ZSWIM3: variants seen among roughly 807,000 people sequenced by gnomAD.
ZSWIM3 encodes zinc finger SWIM-type containing 3.
In ZSWIM3, 27 loss-of-function variants were observed where a neutral mutation model predicts 47.5. The observed-to-expected ratio is 0.57, with a 90% CI of 0.42 to 0.78. The LOEUF (loss-of-function observed/expected upper bound fraction) is 0.78, where lower values mean the gene tolerates loss of function less well. Among genes scored for constraint, ZSWIM3 ranks in the 30% least tolerant of loss-of-function variants. The probability of loss-of-function intolerance (pLI) is 0.00; values close to 1 mark genes in which losing one functional copy is unlikely to be tolerated. For synonymous variants in ZSWIM3, 333 were observed against 333.9 expected, an observed-to-expected ratio of 1.00 and a Z score of 0.03; for missense variants, 689 against 861.3, an observed-to-expected ratio of 0.80 and a Z score of 2.50.
At chr20:45,872,677 AAAAACAAGGTGATG>A in intron 1 of ZSWIM3, 1 of 1,275,632 alleles carries the variant, frequency 7.8e-7, no homozygotes, top group Non-Finnish European at 1.0e-6. Flanking sequence ...CTAGGACACA[AAAAACAAGGTGATG>A]AAAACAAGGC....
At chr20:45,858,066 A>T (rs930712187) in intron 1 of ZSWIM3, 86 bp downstream of exon 1, 8 of 1,432,918 alleles carry the variant, frequency 5.6e-6, no homozygotes, top group Middle Eastern at 4.6e-4. Flanking sequence ...AGGGGTGCAT[A>T]GGCACGCATT....
rs536337722 is a variant in ZSWIM3, at chr20:45,862,140, G to GT, written c.155+4168dup. 2.8e-3 allele frequency among the ~76,000 whole-genome samples: 418 copies of GT among 149,082 alleles called. 3 individuals are homozygous for GT. The highest frequency in any genetic ancestry group is 0.022 in the South Asian group (101 of 4,634). On this transcript the variant is annotated intron_variant, in intron 1 of 1. Coordinates refer to ENST00000255152, the MANE Select transcript of ZSWIM3 (RefSeq NM_080752.4). ...GTCACCTCCACTGCATTAGCTTTTG[G>GT]TTTTTTTTGGTTTTTTTTTTTTTTG... is the stretch of plus-strand genomic sequence containing the variant.
At chr20:45,866,429 C>G (rs1007117406) in intron 1 of ZSWIM3, among the ~76,000 whole-genome samples, 3 of 152,050 alleles carry the variant, frequency 2.0e-5, no homozygotes, top group African/African-American at 7.2e-5. Flanking sequence ...TAAAAAAGAC[C>G]CCCCCTTGCC....
intron 1 of ZSWIM3, among the ~76,000 whole-genome samples, chr20:45,871,288 T>G (rs1333818100): frequency 6.6e-6 from 1 of 152,064 alleles, no homozygotes. Flanking sequence ...CTGGAGGGGG[T>G]CAACCAGTCT....
chr20:45,868,725 A>C (rs981200583), intron 1 of ZSWIM3, among the ~76,000 whole-genome samples: 4 of 152,084 alleles, frequency 2.6e-5, no homozygotes, highest in African/African-American at 9.7e-5. Context: ...TAGTTGCTTT[A>C]AGTCATTCTT....
chr20:45,872,588 A>T, intron 1 of ZSWIM3: 1 of 668,966 alleles, frequency 1.5e-6, no homozygotes, highest in Non-Finnish European at 2.2e-6. Flanking sequence ...TAGGAAGGGC[A>T]TTCCAGACAA....
Position 45,877,014 on chromosome 20 carries a change from A to T in ZSWIM3, c.456A>T (p.Leu152=), listed in dbSNP as rs1384941747. The change falls in exon 2 of 2, where the codon CTA becomes CTT. Residue 152 remains leucine (L), a synonymous_variant. Transcript: ENST00000255152. The stretch of plus-strand genomic sequence containing the variant: ...CCCTGGTTGAGCCATCGTTTTGCCT[A>T]GATAAGGTACAAGTGTCCTCAAAGC... ...EKSLVEPSFC[L]DKVQVSSKPE... The T allele has an allele frequency of 1.2e-6, 2 of 1,614,210 alleles. No homozygotes were observed. The highest frequency in any genetic ancestry group is 1.7e-6 in the Non-Finnish European group (2 of 1,180,040).
rs1341310561 is a variant in ZSWIM3, at chr20:45,877,021, G to C, written c.463G>C (p.Val155Leu). The C allele has an allele frequency of 2.5e-6, 4 of 1,614,168 alleles. No homozygotes were observed. The highest frequency in any genetic ancestry group is 3.4e-6 in the Non-Finnish European group (4 of 1,180,038). Residue 155 changes from valine to leucine, a missense_variant, in exon 2 of 2, where the codon GTA becomes CTA. By Grantham distance (32) the Val-to-Leu change is conservative (BLOSUM62 1). Transcript: ENST00000255152. ...LVEPSFCLDK[V>L]QVSSKPEQEG... ...TGAGCCATCGTTTTGCCTAGATAAG[G>C]TACAAGTGTCCTCAAAGCCAGAGCA...
chr20:45,872,467 T>C (rs1985996054), intron 1 of ZSWIM3, among the ~76,000 whole-genome samples: 1 of 152,082 alleles, frequency 6.6e-6, no homozygotes, highest in Non-Finnish European at 1.5e-5. Flanking sequence ...GGCTAAGATG[T>C]TGAGTTAGCA....
chr20:45,876,878 T>C lies in ZSWIM3; in HGVS notation c.320T>C (p.Val107Ala), dbSNP rs757024463. 55 of 1,614,014 alleles carry C rather than the reference T, an allele frequency of 3.4e-5. No homozygotes were observed. The South Asian group carries it at 5.2e-4, about 15-fold the overall frequency. The change falls in exon 2 of 2, where the codon GTG becomes GCG. Residue 107 changes from valine (V) to alanine (A), a missense_variant. Coordinates refer to ENST00000255152, the MANE Select transcript of ZSWIM3 (RefSeq NM_080752.4). The part of the protein sequence containing the change: ...NTQHIHGDSK[V>A]ASPGGDTTGK... ...CAGCACATACATGGTGACTCTAAAG[T>C]GGCTAGTCCTGGAGGAGACACCACT...
In ZSWIM3 at chr20:45,857,912, T is replaced by C. The variant is rs1223076539; in HGVS notation, c.87T>C (p.Ile29=). The C allele has an allele frequency of 1.2e-6, 2 of 1,606,034 alleles. No individual in the cohort carries two copies. Among genetic ancestry groups the C allele is most frequent in the Admixed American group, 3.4e-5 (2 of 59,324 alleles). The change falls in exon 1 of 2, where the codon ATT becomes ATC. Residue 29 remains isoleucine (I), a synonymous_variant. Coordinates refer to ENST00000255152, the MANE Select transcript of ZSWIM3 (RefSeq NM_080752.4). ...AAAGGGAGAACAGGTGCTCCTTCAT[T>C]CTCAGGGACTGCGTCTCCGTCCGCT... ...AYKRENRCSF[I]LRDCVSVRFH...
intron 1 of ZSWIM3, among the ~76,000 whole-genome samples, chr20:45,871,397 G>C (rs1037122945): frequency 5.9e-5 from 9 of 152,122 alleles, no homozygotes; most frequent in African/African-American, 2.2e-4. Flanking sequence ...CACATAATAG[G>C]TGCTCTATGA....
chr20:45,865,526 G>T (rs1393220041), intron 1 of ZSWIM3, among the ~76,000 whole-genome samples: 1 of 151,918 alleles, frequency 6.6e-6, no homozygotes, highest in Non-Finnish European at 1.5e-5. Context: ...ATATTATATG[G>T]GTGGCTATGG....
chr20:45,875,586 C>T (rs967313910), intron 1 of ZSWIM3, among the ~76,000 whole-genome samples: 1 of 152,054 alleles, frequency 6.6e-6, no homozygotes, highest in African/African-American at 2.4e-5. Context: ...CCTGCAACCT[C>T]TGCCTCCCAG....
In ZSWIM3 at chr20:45,877,335, C is replaced by T; in HGVS notation, c.777C>T (p.Val259=). Reference sequence around the variant, plus strand: ...TTGCTGTGCTCAAGGCGGAGACAGTCACCTCTGTGGCCAAGATGCTGAGCA... The same window carrying T: ...TTGCTGTGCTCAAGGCGGAGACAGTTACCTCTGTGGCCAAGATGCTGAGCA... ...VHFAVLKAET[V]TSVAKMLSIF... is the part of the protein sequence containing the mutation. Residue 259 remains valine, a synonymous_variant, in exon 2 of 2, where the codon GTC becomes GTT. Transcript: ENST00000255152. The T allele has an allele frequency of 6.2e-7, 1 of 1,614,180 alleles. No individual in the cohort carries two copies. The highest frequency in any genetic ancestry group is 1.1e-5 in the South Asian group (1 of 91,078).
Position 45,878,882 on chromosome 20 carries a change from C to T in ZSWIM3, c.*233C>T. 1.9e-6 allele frequency: 1 copy of T among 517,910 alleles called. No individual in the cohort carries two copies. Among genetic ancestry groups the T allele is most frequent in the Admixed American group, 3.6e-5 (1 of 27,586 alleles). 32.1% of individuals were successfully genotyped at this position (517,910 alleles called of 1,614,324 possible). Reference sequence around the variant, plus strand: ...GGGAGCCTCAGTTGTTGTTCAAGGCCAAAGTTATCTCCGTGCTGCAAGGTC... The same window carrying T: ...GGGAGCCTCAGTTGTTGTTCAAGGCTAAAGTTATCTCCGTGCTGCAAGGTC... On this transcript the variant is annotated 3_prime_UTR_variant, in exon 2 of 2. Coordinates refer to ENST00000255152, the MANE Select transcript of ZSWIM3 (RefSeq NM_080752.4).
intron 1 of ZSWIM3, among the ~76,000 whole-genome samples, chr20:45,871,055 G>C (rs1985963881): frequency 6.6e-6 from 1 of 152,148 alleles, no homozygotes. Flanking sequence ...ATGAGTGCTA[G>C]GTTGAAGTTA....
intron 1 of ZSWIM3, among the ~76,000 whole-genome samples, chr20:45,861,573 ATTTGT>A (rs1985709391): frequency 6.6e-6 from 1 of 151,916 alleles, no homozygotes; most frequent in African/African-American, 2.4e-5. Context: ...GTGGGTTGGG[ATTTGT>A]TTTGTTTGTT....
Position 45,877,401 on chromosome 20 carries a change from G to T in ZSWIM3, c.843G>T (p.Val281=). The change falls in exon 2 of 2, where the codon GTG becomes GTT. Residue 281 remains valine, a synonymous_variant. Transcript: ENST00000255152. ...ACTCCGATTGGCCCAAGGTCAAGGT[G>T]GTCTTTGTGGACCCTTCATTCCATT... ...EFNSDWPKVK[V]VFVDPSFHYR... The T allele has an allele frequency of 6.2e-7, 1 of 1,614,174 alleles. No homozygotes were observed. Among genetic ancestry groups the T allele is most frequent in the South Asian group, 1.1e-5 (1 of 91,072 alleles).
Sources: gnomAD v4.1 joint callset for allele counts (sites outside exome capture counted in the v4.1 genomes callset) on GRCh38, gnomAD v4.1.1 for gene constraint, MANE v1.5 for transcripts, NCBI Gene and HGNC (gene_info 2026-07-23, HGNC 2026-07-21) for gene names.